Variants in ZNF839 observed in about 807,000 individuals in gnomAD.
ZNF839 encodes the protein renal carcinoma antigen NY-REN-50.
Under a neutral mutation model 56.4 loss-of-function variants are expected in ZNF839, and 38 were observed. The observed-to-expected ratio is 0.67, with a 90% confidence interval of 0.52 to 0.88. ZNF839 has a LOEUF of 0.88. ZNF839 is among the 40% of genes least tolerant of loss of function. The probability of loss-of-function intolerance (pLI) is 0.00; values close to 1 mark genes in which losing one functional copy is unlikely to be tolerated. For synonymous variants in ZNF839, 486 were observed against 493.5 expected, an observed-to-expected ratio of 0.98 and a Z score of 0.20; for missense variants, 1,091 against 1,177.6, an observed-to-expected ratio of 0.93 and a Z score of 1.08.
intron 7 of ZNF839, among the ~76,000 whole-genome samples, chr14:102,339,841 A>G (rs935815916): frequency 6.6e-6 from 1 of 152,074 alleles, no homozygotes; most frequent in Non-Finnish European, 1.5e-5. Flanking sequence ...GGACACATCC[A>G]TCTATGGCTT....
At chr14:102,335,004 TGCCTCG>T (rs2073952940) in intron 4 of ZNF839, 1 of 157,274 alleles carries the variant, frequency 6.4e-6, no homozygotes, top group Non-Finnish European at 1.4e-5. Flanking sequence ...GTAATCCTCC[TGCCTCG>T]GCCTCCCAAA....
At chr14:102,329,151 A>G (rs994704295) in intron 2 of ZNF839, among the ~76,000 whole-genome samples, 1 of 151,584 alleles carries the variant, frequency 6.6e-6, no homozygotes, top group African/African-American at 2.4e-5. Flanking sequence ...TTGTATTTTT[A>G]GTAGAGATGG....
Position 102,331,789 on chromosome 14 carries a change from T to G in ZNF839, c.1359T>G (p.Gly453=). ...LQQRRAAQLP[G]GPAAAGEQRA... is the part of the protein sequence containing the mutation. ...AGAGAAGAGCTGCTCAGCTACCTGG[T>G]GGCCCTGCTGCGGCAGGGGAGCAGA... Residue 453 remains glycine, a synonymous_variant, in exon 3 of 8, where the codon GGT becomes GGG. Transcript: ENST00000442396. 6.3e-7 allele frequency: 1 copy of G among 1,596,168 alleles called. No individual in the cohort carries two copies. Among genetic ancestry groups the G allele is most frequent in the Non-Finnish European group, 8.5e-7 (1 of 1,172,054 alleles).
At position 102,328,375 on chromosome 14, in the gene ZNF839, AATATATATATAT is replaced by A. The variant is rs71116898; in HGVS notation, c.1191+1513_1191+1524del. Among the ~76,000 whole-genome samples the A allele has an allele frequency of 3.7e-3, 60 of 16,334 alleles. 1 individual carries two copies. Among genetic ancestry groups the A allele is most frequent in the Admixed American group, 6.3e-3 (7 of 1,104 alleles). 10.7% of individuals were successfully genotyped at this position (16,334 alleles called of 152,430 possible). On this transcript the variant is annotated intron_variant, in intron 2 of 7. Coordinates refer to ENST00000442396, the MANE Select transcript of ZNF839 (RefSeq NM_018335.6). ...ATCTCAAAAAAAAAAAAAAAAAAAA[AATATATATATAT>A]ATATATATATATATATATATATATG...
In ZNF839 at chr14:102,325,023, A is replaced by G. The variant is rs575815683; in HGVS notation, c.289-962A>G. Among the ~76,000 whole-genome samples, 4 of 152,264 alleles carry G rather than the reference A, an allele frequency of 2.6e-5. No homozygotes were observed. In the East Asian group the frequency reaches 5.8e-4, roughly 22 times the overall value. On this transcript the variant is annotated intron_variant, in intron 1 of 7. Transcript: ENST00000442396. Reference sequence around the variant, plus strand: ...TATCTCTTCACTGGTCATGAAATCAACTTAGTGGATTATGACTAGTATTTT... The same window carrying G: ...TATCTCTTCACTGGTCATGAAATCAGCTTAGTGGATTATGACTAGTATTTT...
In ZNF839 at chr14:102,342,108, A is replaced by G. The variant is rs1029621359; in HGVS notation, c.2713A>G (p.Ile905Val). The G allele has an allele frequency of 1.6e-5, 26 of 1,613,976 alleles. No individual in the cohort carries two copies. The highest frequency in any genetic ancestry group is 1.7e-4 in the Middle Eastern group (1 of 6,032). The change falls in exon 8 of 8, where the codon ATA (isoleucine) becomes GTA (valine). Residue 905 changes from isoleucine (I) to valine (V), a missense_variant. By Grantham distance (29) the Ile-to-Val change is conservative. This residue lies in a region of ZNF839 where 431 missense variants were observed against 468.0 expected (regional missense o/e 0.92). Transcript: ENST00000442396. ...DGLILSPPGT[I>V]VSQEEDIVTV... Reference sequence around the variant, plus strand: ...GCTTATCTTGTCCCCTCCAGGTACAATAGTGTCTCAGGAGGAGGACATTGT... The same window carrying G: ...GCTTATCTTGTCCCCTCCAGGTACAGTAGTGTCTCAGGAGGAGGACATTGT...
At chr14:102,334,850 C>T (rs1045644328) in intron 4 of ZNF839, 5 of 226,246 alleles carry the variant, frequency 2.2e-5, no homozygotes, top group Non-Finnish European at 3.4e-5. Context: ...TCTAGCAATC[C>T]TTCCACCTCA....
At position 102,326,242 on chromosome 14, in the gene ZNF839, G is replaced by T. The variant is rs375660447; in HGVS notation, c.546G>T (p.Leu182=). ...CTCAGGGGTTTGTACAGAGACCACTGCCAGCCCTCCAGGTGGTCCCTGCAA... is the reference window on the plus strand; with the variant it reads ...CTCAGGGGTTTGTACAGAGACCACTTCCAGCCCTCCAGGTGGTCCCTGCAA... ...PPAQGFVQRP[L]PALQVVPAKR... is the part of the protein sequence containing the mutation. The change falls in exon 2 of 8, where the codon CTG becomes CTT. Residue 182 remains leucine, a synonymous_variant. Transcript: ENST00000442396. This position sits in a 1 kb window ranked among gnomAD's most constrained non-coding sequence, Gnocchi z 4.3. 5.6e-6 allele frequency: 9 copies of T among 1,613,798 alleles called. No individual in the cohort carries two copies. The African/African-American group carries it at 1.2e-4, about 22-fold the overall frequency.
In ZNF839 at chr14:102,326,368, A is replaced by G; in HGVS notation, c.672A>G (p.Ser224=). The change falls in exon 2 of 8, where the codon TCA becomes TCG. Residue 224 remains serine (S), a synonymous_variant. Coordinates refer to ENST00000442396, the MANE Select transcript of ZNF839 (RefSeq NM_018335.6). The surrounding 1 kb of genome is among the most constrained non-coding windows in gnomAD (Gnocchi z 4.3). ...PLAVTSLSSS[S]AHPFISNLHT... ...CAGTAACATCTCTTTCATCCAGTTC[A>G]GCACATCCATTTATTTCCAACTTGC... 6.2e-7 allele frequency: 1 copy of G among 1,610,916 alleles called. No individual in the cohort carries two copies. Among genetic ancestry groups the G allele is most frequent in the Non-Finnish European group, 8.5e-7 (1 of 1,178,320 alleles).
rs778968538 is a variant in ZNF839, at chr14:102,326,204, T to G, written c.508T>G (p.Cys170Gly). The G allele has an allele frequency of 9.9e-6, 16 of 1,613,826 alleles. No homozygotes were observed. The highest frequency in any genetic ancestry group is 1.3e-5 in the African/African-American group (1 of 75,032). ...ACAGTCCTGCTTCCTAAGTGACTTA[T>G]GCCAACCTCCTGCTCAGGGGTTTGT... ...EPQSCFLSDL[C>G]QPPAQGFVQR... The change falls in exon 2 of 8, where the codon TGC becomes GGC. Residue 170 changes from cysteine (C) to glycine (G), a missense_variant. This residue lies in a region of ZNF839 where 614 missense variants were observed against 629.2 expected (regional missense o/e 0.98). Transcript: ENST00000442396. This position sits in a 1 kb window ranked among gnomAD's most constrained non-coding sequence, Gnocchi z 4.3.
chr14:102,328,354 C>CAAAAAAAA (rs1158691824), intron 2 of ZNF839, among the ~76,000 whole-genome samples: 1 of 28,892 alleles, frequency 3.5e-5, no homozygotes, highest in African/African-American at 1.2e-4. Context: ...AACTCCATCT[C>CAAAAAAAA]AAAAAAAAAA....
At chr14:102,341,265 C>G in intron 7 of ZNF839, 58 bp from the exon 8 acceptor site, 1 of 1,464,656 alleles carries the variant, frequency 6.8e-7, no homozygotes, top group Non-Finnish European at 9.0e-7. Flanking sequence ...GTGGTGAGTG[C>G]AGTGAGTGGG....
chr14:102,335,531 G>T, intron 4 of ZNF839, 158 bp from the exon 5 acceptor site: 1 of 694,446 alleles, frequency 1.4e-6, no homozygotes, highest in Non-Finnish European at 2.4e-6. Flanking sequence ...GCACCATGCG[G>T]GGCACACAGT....
chr14:102,331,637 G>C lies in ZNF839; in HGVS notation c.1207G>C (p.Asp403His). 1 of 1,611,208 alleles carries C rather than the reference G, an allele frequency of 6.2e-7. No individual in the cohort carries two copies. The highest frequency in any genetic ancestry group is 8.5e-7 in the Non-Finnish European group (1 of 1,178,596). ...RGGLQNGQSV[D>H]VEETLPSEPE... ...CACTGTCTAGAATGGTCAGTCTGTAGACGTTGAAGAGACATTGCCATCTGA... is the reference window on the plus strand; with the variant it reads ...CACTGTCTAGAATGGTCAGTCTGTACACGTTGAAGAGACATTGCCATCTGA... The change falls in exon 3 of 8, where the codon GAC becomes CAC. Residue 403 changes from aspartate (D) to histidine (H), a missense_variant. Coordinates refer to ENST00000442396, the MANE Select transcript of ZNF839 (RefSeq NM_018335.6).
intron 1 of ZNF839, among the ~76,000 whole-genome samples, chr14:102,324,874 C>T (rs369622843): frequency 8.9e-4 from 133 of 149,770 alleles, no homozygotes; most frequent in African/African-American, 3.0e-3. Context: ...TGCTTGAACT[C>T]GGGAGGCGGA....
Position 102,319,789 on chromosome 14 carries a change from T to TG in ZNF839, c.29dup (p.Gly11ArgfsTer158). The TG allele has an allele frequency of 1.6e-6, 2 of 1,232,050 alleles. No homozygotes were observed. Among genetic ancestry groups the TG allele is most frequent in the Non-Finnish European group, 2.0e-6 (2 of 988,130 alleles). The allele number at this position is 1,232,050 out of a possible 1,614,324, so 76.3% of individuals were successfully genotyped here. ...CCATGGCGGATGCGGAGCCGGAGGC[T>TG]GGGGGCGGCAGCGAGGATGGCGGCG... On this transcript the variant is annotated frameshift_variant, in exon 1 of 8. Coordinates refer to ENST00000442396, the MANE Select transcript of ZNF839 (RefSeq NM_018335.6). LOFTEE classifies it high-confidence loss of function. The surrounding 1 kb of genome is among the most constrained non-coding windows in gnomAD (Gnocchi z 4.5).
At position 102,339,236 on chromosome 14, in the gene ZNF839, T is replaced by A. The variant is rs1428238308; in HGVS notation, c.1927+13T>A. On this transcript the variant is annotated intron_variant, in intron 7 of 7. Coordinates refer to ENST00000442396, the MANE Select transcript of ZNF839 (RefSeq NM_018335.6). ...GCTTTGGCCGCTGGTGAGGGTAAAA[T>A]GCTGTTTGTGGGGTGTATCCATGGC... 1.2e-6 allele frequency: 2 copies of A among 1,608,034 alleles called. No individual in the cohort carries two copies. The highest frequency in any genetic ancestry group is 1.7e-4 in the Middle Eastern group (1 of 5,730).
In ZNF839 at chr14:102,342,097, C is replaced by T. The variant is rs749443699; in HGVS notation, c.2702C>T (p.Pro901Leu). 1.5e-5 allele frequency: 24 copies of T among 1,613,876 alleles called. No homozygotes were observed. The highest frequency in any genetic ancestry group is 1.6e-4 in the Middle Eastern group (1 of 6,072). Residue 901 changes from proline (P) to leucine (L), a missense_variant, in exon 8 of 8, where the codon CCT (proline) becomes CTT (leucine). Physicochemically the swap from Pro to Leu is moderately conservative, Grantham distance 98. This residue lies in a region of ZNF839 where 431 missense variants were observed against 468.0 expected (regional missense o/e 0.92). Transcript: ENST00000442396. ...ACTTCCGATGGGCTTATCTTGTCCC[C>T]TCCAGGTACAATAGTGTCTCAGGAG... is the stretch of plus-strand genomic sequence containing the variant. ...IQTSDGLILS[P>L]PGTIVSQEED...
chr14:102,329,918 C>T (rs888467520), intron 2 of ZNF839, among the ~76,000 whole-genome samples: 1 of 151,186 alleles, frequency 6.6e-6, no homozygotes, highest in South Asian at 2.1e-4. Flanking sequence ...CTCAGCCTCC[C>T]GAGTAGGTGG....
Sources: allele counts gnomAD v4.1 joint callset (sites outside exome capture counted in the v4.1 genomes callset), GRCh38; gene constraint gnomAD v4.1.1; regional missense constraint gnomAD v4.1.1; non-coding constraint Gnocchi (gnomAD v3.1); transcripts MANE v1.5; gene names NCBI Gene and HGNC (gene_info 2026-07-23, HGNC 2026-07-21).